CYP46A1: variants seen among roughly 807,000 people sequenced by gnomAD.
CYP46A1 encodes cholesterol 24-hydroxylase.
Under a neutral mutation model 63.3 loss-of-function variants are expected in CYP46A1, and 20 were observed. The ratio of observed to expected loss-of-function variants is 0.32; its 90% CI spans 0.22 to 0.46. CYP46A1 has a LOEUF of 0.46. Ranked by LOEUF, CYP46A1 falls within the 20% of genes least tolerant of loss-of-function variation. The pLI is 1.00. For missense variants in CYP46A1, 445 were observed against 670.8 expected (o/e 0.66, Z 3.72); for synonymous variants, 268 against 273.6 (o/e 0.98, Z 0.20).
At chr14:99,714,778 AAAAG>A (rs1444632271) in intron 7 of CYP46A1, among the ~76,000 whole-genome samples, 2 of 148,320 alleles carry the variant, frequency 1.3e-5, no homozygotes, top group African/African-American at 5.0e-5. Flanking sequence ...AAAAAAAAAG[AAAAG>A]AAAATTTGAT....
At chr14:99,691,917 G>A (rs1335175535) in intron 3 of CYP46A1, 56 bp downstream of exon 3, 4 of 1,548,148 alleles carry the variant, frequency 2.6e-6, no homozygotes, top group African/African-American at 1.4e-5. Context: ...TGGGTTGGGG[G>A]AGTGAAGCCT....
intron 9 of CYP46A1, 64 bp from the exon 10 acceptor site, chr14:99,717,990 G>A (rs1255728956): frequency 2.5e-5 from 33 of 1,336,060 alleles, no homozygotes; most frequent in Non-Finnish European, 3.2e-5. Flanking sequence ...ATAGAGGCAG[G>A]CACAAACTGT....
At chr14:99,708,613 T>G (rs2056701566) in intron 7 of CYP46A1, 1 of 159,478 alleles carries the variant, frequency 6.3e-6, no homozygotes, top group Non-Finnish European at 1.4e-5. Flanking sequence ...CCCACATGCA[T>G]CATCCACGGG....
intron 3 of CYP46A1, chr14:99,693,137 T>C (rs1405616586): frequency 6.5e-6 from 1 of 152,710 alleles, no homozygotes; most frequent in Non-Finnish European, 1.5e-5. Flanking sequence ...CAATAAACAA[T>C]GATGCATTTT....
Position 99,722,033 on chromosome 14 carries a change from T to C in CYP46A1, c.1143T>C (p.Asp381=), listed in dbSNP as rs750076915. ...TGCTGGAAGAGGAGACCTTGATTGA[T>C]GGGGTCAGAGTCCCCGGCAACACCC... is the stretch of plus-strand genomic sequence containing the variant. ...FRLLEEETLI[D]GVRVPGNTPL... Residue 381 remains aspartate (D), a synonymous_variant, in exon 12 of 15, where the codon GAT becomes GAC. Coordinates refer to ENST00000261835, the MANE Select transcript of CYP46A1 (RefSeq NM_006668.2). The surrounding 1 kb of genome is among the most constrained non-coding windows in gnomAD (Gnocchi z 4.6). 17 of 1,613,014 alleles carry C rather than the reference T, an allele frequency of 1.1e-5. No homozygotes were observed. Among genetic ancestry groups the C allele is most frequent in the African/African-American group, 1.3e-5 (1 of 74,842 alleles).
chr14:99,688,375 C>G (rs184479550), intron 1 of CYP46A1, among the ~76,000 whole-genome samples: 177 of 152,244 alleles, frequency 1.2e-3, no homozygotes, highest in Non-Finnish European at 1.8e-3. Context: ...ATCACCTCCC[C>G]CTCCATCCGC....
intron 3 of CYP46A1, among the ~76,000 whole-genome samples, chr14:99,694,100 C>G (rs1037194700): frequency 6.6e-6 from 1 of 152,156 alleles, no homozygotes; most frequent in Admixed American, 6.5e-5. Context: ...TCGCATCTGA[C>G]TTATTTCACT....
chr14:99,700,586 G>A (rs1026645589), intron 5 of CYP46A1, among the ~76,000 whole-genome samples: 2 of 152,214 alleles, frequency 1.3e-5, no homozygotes, highest in East Asian at 1.9e-4. Context: ...TGGTAATGGC[G>A]TAGTGCAATG....
intron 12 of CYP46A1, among the ~76,000 whole-genome samples, chr14:99,723,705 C>A (rs1304441915): frequency 6.6e-6 from 1 of 152,208 alleles, no homozygotes; most frequent in African/African-American, 2.4e-5. Context: ...TGATGATCTG[C>A]ATGTCTTAAT....
intron 1 of CYP46A1, 64 bp from the exon 2 acceptor site, chr14:99,691,017 G>T: frequency 6.7e-7 from 1 of 1,502,490 alleles, no homozygotes; most frequent in Non-Finnish European, 9.3e-7. Context: ...ATAAGATCTT[G>T]TGGGGAAGGG....
chr14:99,694,036 A>G (rs1024238645), intron 3 of CYP46A1, among the ~76,000 whole-genome samples: 5 of 152,152 alleles, frequency 3.3e-5, no homozygotes, highest in African/African-American at 1.2e-4. Flanking sequence ...TGTCTCCGTG[A>G]ATTGGACTAC....
chr14:99,717,996 A>T (rs2056807061), intron 9 of CYP46A1, 58 bp from the exon 10 acceptor site: 6 of 1,399,994 alleles, frequency 4.3e-6, no homozygotes, highest in Non-Finnish European at 4.0e-6. Context: ...GCAGGCACAA[A>T]CTGTCTCCTT....
intron 10 of CYP46A1, among the ~76,000 whole-genome samples, chr14:99,720,710 G>A (rs1366193244): frequency 6.6e-6 from 1 of 152,052 alleles, no homozygotes; most frequent in East Asian, 1.9e-4. Flanking sequence ...AGACACAAAG[G>A]GTGGATGTTT....
At chr14:99,711,000 G>C (rs2056725536) in intron 7 of CYP46A1, 1 of 138,912 alleles carries the variant, frequency 7.2e-6, no homozygotes, top group Non-Finnish European at 1.6e-5. Flanking sequence ...TCAATAACAA[G>C]TGAAACTTTG....
chr14:99,711,658 G>C (rs2056733344), intron 7 of CYP46A1: 1 of 152,052 alleles, frequency 6.6e-6, no homozygotes, highest in African/African-American at 2.4e-5. Flanking sequence ...ACAAAGAAAA[G>C]CCCGTGACCA....
At chr14:99,699,967 TCCCCACC>T in intron 4 of CYP46A1, 41 bp from the exon 5 acceptor site, 6 of 456,554 alleles carry the variant, frequency 1.3e-5, no homozygotes, top group Non-Finnish European at 2.5e-5. Context: ...AAGCAGTCGC[TCCCCACC>T]CCCCACCCTC....
In CYP46A1 at chr14:99,704,648, C is replaced by T. The variant is rs2183047; in HGVS notation, c.444-1999C>T. Among the ~76,000 whole-genome samples, 392 of 152,264 alleles carry T rather than the reference C, an allele frequency of 2.6e-3. 6 individuals carry two copies. The highest frequency in any genetic ancestry group is 0.024 in the Middle Eastern group (7 of 294). On this transcript the variant is annotated intron_variant, in intron 5 of 14. Transcript: ENST00000261835. ...AGAGATTCAGTGTTTGTATGATAAC[C>T]GGCCACATACTATCTGGATAATCAA...
At chr14:99,692,914 A>G (rs943827547) in intron 3 of CYP46A1, among the ~76,000 whole-genome samples, 1 of 152,146 alleles carries the variant, frequency 6.6e-6, no homozygotes, top group Non-Finnish European at 1.5e-5. Context: ...GGTTCCAAGA[A>G]TGGGTATCTG....
At chr14:99,686,206 G>T (rs1470881916) in intron 1 of CYP46A1, among the ~76,000 whole-genome samples, 1 of 152,150 alleles carries the variant, frequency 6.6e-6, no homozygotes, top group Non-Finnish European at 1.5e-5. Flanking sequence ...AGTTTTCAGA[G>T]AAGCCATCAG....
Sources: allele counts gnomAD v4.1 joint callset (sites outside exome capture counted in the v4.1 genomes callset), GRCh38; gene constraint gnomAD v4.1.1; non-coding constraint Gnocchi (gnomAD v3.1); transcripts MANE v1.5; gene names NCBI Gene and HGNC (gene_info 2026-07-23, HGNC 2026-07-21).